The following VWC2 variants were observed in gnomAD, a reference collection of about 807,000 sequenced individuals.
The protein encoded by VWC2 is von Willebrand factor C domain containing 2.
In VWC2, 14 loss-of-function variants were observed where a neutral mutation model predicts 29.8. That is an observed-to-expected ratio of 0.47 (90% CI 0.31 to 0.74). VWC2 has a LOEUF of 0.74. VWC2 is among the 30% of genes least tolerant of loss of function. The pLI is 0.05. For synonymous variants in VWC2, 213 were observed against 199.0 expected, an observed-to-expected ratio of 1.07 and a Z score of -0.59; for missense variants, 457 against 459.8, an observed-to-expected ratio of 0.99 and a Z score of 0.05.
intron 3 of VWC2, among the ~76,000 whole-genome samples, chr7:49,907,660 A>G (rs543340754): frequency 2.0e-5 from 3 of 152,336 alleles, no homozygotes; most frequent in Non-Finnish European, 4.4e-5. Context: ...TTAGGGTAAC[A>G]TAAGACATCA....
chr7:49,870,463 GAT>G (rs960466089), intron 3 of VWC2, among the ~76,000 whole-genome samples: 1 of 152,144 alleles, frequency 6.6e-6, no homozygotes, highest in Non-Finnish European at 1.5e-5. Context: ...TTAGTGTATA[GAT>G]AAGTAAATTT....
chr7:49,798,566 G>T (rs1788653948), intron 2 of VWC2, among the ~76,000 whole-genome samples: 1 of 152,186 alleles, frequency 6.6e-6, no homozygotes, highest in Non-Finnish European at 1.5e-5. Context: ...GTGTACAGTG[G>T]CCATCCTGGG....
At chr7:49,873,097 C>T (rs925337189) in intron 3 of VWC2, among the ~76,000 whole-genome samples, 1 of 151,700 alleles carries the variant, frequency 6.6e-6, no homozygotes, top group Admixed American at 6.6e-5. Context: ...AACTGCAAAA[C>T]AATACAAACG....
intron 3 of VWC2, among the ~76,000 whole-genome samples, chr7:49,897,473 A>G (rs1283108194): frequency 6.6e-6 from 1 of 152,240 alleles, no homozygotes; most frequent in Non-Finnish European, 1.5e-5. Flanking sequence ...CAGATATGCC[A>G]AAGTTGGCTT....
chr7:49,847,587 C>G (rs912984385), intron 3 of VWC2, among the ~76,000 whole-genome samples: 1 of 152,152 alleles, frequency 6.6e-6, no homozygotes, highest in African/African-American at 2.4e-5. Context: ...ACTCAGATAT[C>G]CCAAGAGAAG....
At chr7:49,791,690 G>A (rs1788465398) in intron 2 of VWC2, among the ~76,000 whole-genome samples, 2 of 152,166 alleles carry the variant, frequency 1.3e-5, no homozygotes, top group South Asian at 4.1e-4. Context: ...CCAGGGTGGT[G>A]GCATCTGACC....
chr7:49,909,549 G>T (rs554998945), intron 3 of VWC2, among the ~76,000 whole-genome samples: 2 of 152,242 alleles, frequency 1.3e-5, no homozygotes, highest in East Asian at 3.9e-4. Context: ...ACTGGGTGGG[G>T]AGGGGTCTTG....
chr7:49,855,411 T>C (rs1262729403), intron 3 of VWC2, among the ~76,000 whole-genome samples: 1 of 152,158 alleles, frequency 6.6e-6, no homozygotes, highest in African/African-American at 2.4e-5. Flanking sequence ...TCAGCATCTC[T>C]GGGTGGGAGT....
intron 2 of VWC2, among the ~76,000 whole-genome samples, chr7:49,787,963 A>G: frequency 6.6e-6 from 1 of 152,212 alleles, no homozygotes. Flanking sequence ...GTCTGGGTGC[A>G]AAGAGTCCCT....
At chr7:49,839,832 G>C (rs1763986084) in intron 3 of VWC2, among the ~76,000 whole-genome samples, 1 of 152,212 alleles carries the variant, frequency 6.6e-6, no homozygotes, top group Admixed American at 6.5e-5. Context: ...TTCAAATCGT[G>C]ACGTCCCATG....
chr7:49,860,275 A>G (rs1483900467), intron 3 of VWC2, among the ~76,000 whole-genome samples: 1 of 152,216 alleles, frequency 6.6e-6, no homozygotes. Context: ...CGTCAGGCTC[A>G]TGGTAAATTT....
At chr7:49,777,247 T>C (rs1401811467) in intron 2 of VWC2, among the ~76,000 whole-genome samples, 1 of 152,228 alleles carries the variant, frequency 6.6e-6, no homozygotes, top group Non-Finnish European at 1.5e-5. Context: ...AGCAAAGGTT[T>C]AGGGAGGAAT....
chr7:49,787,155 G>A (rs926195979), intron 2 of VWC2, among the ~76,000 whole-genome samples: 1 of 152,150 alleles, frequency 6.6e-6, no homozygotes, highest in Non-Finnish European at 1.5e-5. Context: ...TTCCTGTAAT[G>A]AAGGTCAGAA....
intron 3 of VWC2, among the ~76,000 whole-genome samples, chr7:49,910,377 A>C (rs1390946848): frequency 6.6e-6 from 1 of 152,230 alleles, no homozygotes; most frequent in African/African-American, 2.4e-5. Flanking sequence ...TTCACACGCT[A>C]TAATTAAACA....
At chr7:49,871,822 A>G (rs529433853) in intron 3 of VWC2, among the ~76,000 whole-genome samples, 1 of 150,628 alleles carries the variant, frequency 6.6e-6, no homozygotes, top group Non-Finnish European at 1.5e-5. Context: ...TATACACCCA[A>G]TCAAAGACAT....
At chr7:49,900,745 TA>T (rs1792679234) in intron 3 of VWC2, among the ~76,000 whole-genome samples, 1 of 151,838 alleles carries the variant, frequency 6.6e-6, no homozygotes, top group South Asian at 2.1e-4. Context: ...GAAGAACTGA[TA>T]TCAATATTTT....
At chr7:49,824,380 A>G (rs1002364979) in intron 3 of VWC2, among the ~76,000 whole-genome samples, 10 of 152,194 alleles carry the variant, frequency 6.6e-5, no homozygotes, top group African/African-American at 2.4e-4. Context: ...TCAAAAATCA[A>G]TTCACCATAT....
intron 2 of VWC2, among the ~76,000 whole-genome samples, chr7:49,778,802 G>T (rs1427981732): frequency 1.3e-5 from 2 of 152,218 alleles, no homozygotes; most frequent in African/African-American, 4.8e-5. Flanking sequence ...AGAGATTGTA[G>T]TCTGTAATGT....
intron 3 of VWC2, among the ~76,000 whole-genome samples, chr7:49,886,654 G>T (rs1166180226): frequency 1.3e-5 from 2 of 151,962 alleles, no homozygotes; most frequent in Non-Finnish European, 2.9e-5. Context: ...TTGTTATATA[G>T]GTAAACTAGT....
Sources: gnomAD v4.1 joint callset for allele counts (sites outside exome capture counted in the v4.1 genomes callset) on GRCh38, gnomAD v4.1.1 for gene constraint, MANE v1.5 for transcripts, NCBI Gene and HGNC (gene_info 2026-07-23, HGNC 2026-07-21) for gene names.